The following KIF25 variants were observed in gnomAD, a reference collection of about 807,000 sequenced individuals.
The protein encoded by KIF25 is kinesin family member 25.
A neutral mutation model predicts 32.9 loss-of-function variants in KIF25; 19 were observed. The observed-to-expected ratio is 0.58, with a 90% CI of 0.40 to 0.85. KIF25 has a LOEUF of 0.85. Ranked by LOEUF, KIF25 falls within the 40% of genes least tolerant of loss-of-function variation. KIF25 has a pLI of 0.00. For missense variants in KIF25, 485 were observed against 507.0 expected (o/e 0.96, Z 0.42); for synonymous variants, 225 against 213.7 (o/e 1.05, Z -0.46).
chr6:168,020,458 G>C (rs148209661), intron 5 of KIF25, among the ~76,000 whole-genome samples: 2 of 151,316 alleles, frequency 1.3e-5, no homozygotes, highest in African/African-American at 4.9e-5. Context: ...TGCAAAAGAC[G>C]CTTTTTCTTA....
intron 4 of KIF25, among the ~76,000 whole-genome samples, chr6:168,014,642 G>A (rs1371219640): frequency 6.6e-6 from 1 of 152,178 alleles, no homozygotes; most frequent in Non-Finnish European, 1.5e-5. Flanking sequence ...TGTATTGGAC[G>A]TGTAACACGG....
At chr6:168,009,697 T>TG (rs1394756574) in intron 4 of KIF25, among the ~76,000 whole-genome samples, 2 of 152,230 alleles carry the variant, frequency 1.3e-5, no homozygotes, top group East Asian at 3.9e-4. Context: ...TGAAGCCTTC[T>TG]GGTCCTAGAC....
chr6:168,030,001 G>T (rs925095880), intron 6 of KIF25, among the ~76,000 whole-genome samples: 1 of 152,192 alleles, frequency 6.6e-6, no homozygotes, highest in East Asian at 1.9e-4. Context: ...AAAACCTGTC[G>T]TTCAGGAAAC....
intron 7 of KIF25, among the ~76,000 whole-genome samples, chr6:168,031,413 T>G (rs9364386): frequency 0.15 from 22,337 of 152,184 alleles, 1,872 homozygotes; most frequent in East Asian, 0.3. Context: ...TGACGAAGAC[T>G]TACTTGCATT....
chr6:168,029,357 G>A, intron 5 of KIF25, 135 bp from the exon 6 acceptor site: 2 of 594,406 alleles, frequency 3.4e-6, no homozygotes, highest in South Asian at 3.9e-5. Flanking sequence ...AACACCAGCT[G>A]GAAAAAGTAA....
intron 5 of KIF25, among the ~76,000 whole-genome samples, chr6:168,021,188 A>G (rs1232729332): frequency 6.6e-6 from 1 of 152,218 alleles, no homozygotes; most frequent in Non-Finnish European, 1.5e-5. Context: ...TGACTTTAAT[A>G]GTTTTACTCT....
intron 10 of KIF25, 22 bp downstream of exon 10, chr6:168,040,238 G>A (rs768689937): frequency 3.1e-6 from 5 of 1,596,230 alleles, no homozygotes; most frequent in Middle Eastern, 1.7e-4. Context: ...TTTGTGCTTG[G>A]TCAGTGGCAA....
In KIF25 at chr6:168,040,078, G is replaced by A. The variant is rs762420155; in HGVS notation, c.508G>A (p.Ala170Thr). Residue 170 changes from alanine to threonine, a missense_variant, in exon 10 of 13, where the codon GCC becomes ACC. By Grantham distance (58) the Ala-to-Thr change is moderately conservative (BLOSUM62 0). Transcript: ENST00000643607. ...CCTTGTCTGTAGGGCTGTCGGCAGC[G>A]CCTCGAAACTGATGGAGCTCGTTCA... ...ALLASEAVGSASKLMELVHGG... is the reference protein window; with the variant it reads ...ALLASEAVGSTSKLMELVHGG... The A allele has an allele frequency of 5.6e-5, 91 of 1,612,830 alleles. 1 individual carries two copies. The highest frequency in any genetic ancestry group is 2.0e-4 in the South Asian group (18 of 91,036).
At chr6:168,003,246 G>T (rs547114487) in intron 3 of KIF25, among the ~76,000 whole-genome samples, 1 of 152,210 alleles carries the variant, frequency 6.6e-6, no homozygotes, top group African/African-American at 2.4e-5. Flanking sequence ...AAGAACAGGG[G>T]TATTGGAGTA....
At chr6:168,022,992 C>T (rs1798808342) in intron 5 of KIF25, among the ~76,000 whole-genome samples, 1 of 152,028 alleles carries the variant, frequency 6.6e-6, no homozygotes, top group Non-Finnish European at 1.5e-5. Flanking sequence ...GACCTGACTC[C>T]TCATCTAGAC....
chr6:168,034,105 G>C, intron 8 of KIF25, 74 bp downstream of exon 8: 1 of 1,515,036 alleles, frequency 6.6e-7, no homozygotes, highest in Non-Finnish European at 9.1e-7. Flanking sequence ...TGGTTATCAC[G>C]TGGGAAAAAT....
At chr6:168,031,570 C>T (rs765454268) in intron 7 of KIF25, among the ~76,000 whole-genome samples, 2 of 152,352 alleles carry the variant, frequency 1.3e-5, no homozygotes, top group South Asian at 2.1e-4. Context: ...CACGCACGCA[C>T]GCGGGGCCGC....
In KIF25 at chr6:168,034,041, A is replaced by G. The variant is rs753957495; in HGVS notation, c.317+10A>G. ...CTGAGGAGCTCTTCAGGTACTGCCG[A>G]TGGTGATGAGTGGGGCAGAGAAATA... On this transcript the variant is annotated intron_variant, in intron 8 of 12. Transcript: ENST00000643607. 1 of 1,613,932 alleles carries G rather than the reference A, an allele frequency of 6.2e-7. No individual in the cohort carries two copies. Among genetic ancestry groups the G allele is most frequent in the South Asian group, 1.1e-5 (1 of 91,064 alleles).
chr6:168,012,155 T>C (rs1798655499), intron 4 of KIF25, among the ~76,000 whole-genome samples: 1 of 152,220 alleles, frequency 6.6e-6, no homozygotes, highest in Non-Finnish European at 1.5e-5. Flanking sequence ...AAGATTGTTA[T>C]TTTGAATTCT....
At chr6:168,011,818 T>C (rs529654163) in intron 4 of KIF25, among the ~76,000 whole-genome samples, 4 of 152,212 alleles carry the variant, frequency 2.6e-5, no homozygotes, top group African/African-American at 9.6e-5. Flanking sequence ...AAATATTGAT[T>C]CACTTAATGC....
intron 5 of KIF25, among the ~76,000 whole-genome samples, chr6:168,018,504 G>A (rs1029266797): frequency 1.3e-5 from 2 of 152,074 alleles, no homozygotes; most frequent in African/African-American, 4.8e-5. Context: ...ATAAGACGAG[G>A]GACATCTGTA....
At chr6:168,017,704 C>T (rs995342265) in intron 4 of KIF25, among the ~76,000 whole-genome samples, 1 of 152,122 alleles carries the variant, frequency 6.6e-6, no homozygotes, top group African/African-American at 2.4e-5. Flanking sequence ...CTTTCTTCTT[C>T]TCTTTATGGG....
At chr6:168,038,491 G>A (rs368990891) in intron 8 of KIF25, 62 bp from the exon 9 acceptor site, 1 of 1,558,868 alleles carries the variant, frequency 6.4e-7, no homozygotes. Context: ...GCTATGATTG[G>A]CTTACACTGA....
In KIF25 at chr6:168,033,990, T is replaced by C. The variant is rs143553787; in HGVS notation, c.276T>C (p.Ser92=). ...CTGTTCTGCCGCTTGACCCACAGAG[T>C]GACTTAGGAATTATCCCTAGAGTGG... ...DGPVLPLDPQ[S]DLGIIPRVAE... is the part of the protein sequence containing the mutation. The change falls in exon 8 of 13, where the codon AGT becomes AGC. Residue 92 remains serine (S), a synonymous_variant. Transcript: ENST00000643607. 7.5e-5 allele frequency: 121 copies of C among 1,614,006 alleles called. No homozygotes were observed. The African/African-American group carries it at 1.5e-3, about 20-fold the overall frequency.
Sources: gnomAD v4.1 joint callset for allele counts (sites outside exome capture counted in the v4.1 genomes callset) on GRCh38, gnomAD v4.1.1 for gene constraint, MANE v1.5 for transcripts, NCBI Gene and HGNC (gene_info 2026-07-23, HGNC 2026-07-21) for gene names.